GRM7: variants seen among roughly 807,000 people sequenced by gnomAD.
The protein encoded by GRM7 is glutamate metabotropic receptor 7.
Under a neutral mutation model 84.5 loss-of-function variants are expected in GRM7, and 35 were observed. The ratio of observed to expected loss-of-function variants is 0.41; its 90% confidence interval spans 0.32 to 0.55. GRM7 has a LOEUF of 0.55. Ranked by LOEUF, GRM7 falls within the 20% of genes least tolerant of loss-of-function variation. The pLI, the probability that GRM7 is intolerant of heterozygous loss-of-function variation, is 0.19. For missense variants in GRM7, 1,003 were observed against 1,194.6 expected (o/e 0.84, Z 2.36); for synonymous variants, 487 against 455.1 (o/e 1.07, Z -0.89).
intron 5 of GRM7, among the ~76,000 whole-genome samples, chr3:7,419,689 C>G (rs1696317166): frequency 6.6e-6 from 1 of 152,126 alleles, no homozygotes; most frequent in South Asian, 2.1e-4. Flanking sequence ...TATCACTGTT[C>G]TATGAAATAC....
At chr3:7,646,995 A>G (rs1698677887) in intron 8 of GRM7, among the ~76,000 whole-genome samples, 1 of 152,192 alleles carries the variant, frequency 6.6e-6, no homozygotes, top group African/African-American at 2.4e-5. Context: ...TCAAGGGCCA[A>G]AGTTCAATCC....
intron 1 of GRM7, among the ~76,000 whole-genome samples, chr3:6,924,171 C>A (rs946623791): frequency 6.6e-6 from 1 of 152,100 alleles, no homozygotes; most frequent in Admixed American, 6.5e-5. Flanking sequence ...CATCTGCTCT[C>A]GTGTTGGAGA....
intron 7 of GRM7, among the ~76,000 whole-genome samples, chr3:7,478,655 AG>A (rs910364485): frequency 2.7e-4 from 41 of 152,296 alleles, no homozygotes; most frequent in African/African-American, 9.9e-4. Context: ...GATCATGGGC[AG>A]GCCATGGGCA....
At chr3:7,685,385 A>G (rs1575630622) in intron 9 of GRM7, among the ~76,000 whole-genome samples, 2 of 152,184 alleles carry the variant, frequency 1.3e-5, no homozygotes, top group South Asian at 4.1e-4. Flanking sequence ...AGCCGTGCAG[A>G]GAAATACTTC....
intron 9 of GRM7, among the ~76,000 whole-genome samples, chr3:7,726,155 CAG>C (rs1187915011): frequency 6.6e-6 from 1 of 152,026 alleles, no homozygotes; most frequent in Non-Finnish European, 1.5e-5. Flanking sequence ...AAAAATATGA[CAG>C]AAGACAAAAT....
At position 7,494,274 on chromosome 3, in the gene GRM7, T is replaced by C. The variant is rs554926079; in HGVS notation, c.1515+32552T>C. On this transcript the variant is annotated intron_variant, in intron 7 of 9. Transcript: ENST00000357716. ...GACTTTACAGTGAGCAGTTATCTTC[T>C]TTCAGAACTTGAAAAGTGTTGTCCT... Among the ~76,000 whole-genome samples, 18 of 152,334 alleles carry C rather than the reference T, an allele frequency of 1.2e-4. No individual in the cohort carries two copies. In the South Asian group the frequency reaches 3.7e-3, roughly 32 times the overall value.
At chr3:7,137,147 C>T (rs537235544) in intron 1 of GRM7, among the ~76,000 whole-genome samples, 1 of 152,004 alleles carries the variant, frequency 6.6e-6, no homozygotes, top group Non-Finnish European at 1.5e-5. Context: ...ATATTTATGT[C>T]TCAAAGGTAT....
chr3:7,107,191 T>G (rs1692687530), intron 1 of GRM7, among the ~76,000 whole-genome samples: 2 of 152,008 alleles, frequency 1.3e-5, no homozygotes. Flanking sequence ...GGCCAAGCCT[T>G]GGGAAAACAG....
intron 5 of GRM7, among the ~76,000 whole-genome samples, chr3:7,445,836 T>G (rs1454118914): frequency 6.6e-6 from 1 of 152,154 alleles, no homozygotes; most frequent in Non-Finnish European, 1.5e-5. Context: ...CTTTAAATAT[T>G]ACAAAGCTGC....
At chr3:7,586,215 T>C (rs1011321056) in intron 8 of GRM7, among the ~76,000 whole-genome samples, 2 of 152,166 alleles carry the variant, frequency 1.3e-5, no homozygotes, top group Admixed American at 6.5e-5. Context: ...AGAACACTCA[T>C]ATACTGCCAG....
At chr3:7,349,696 A>T (rs1693048498) in intron 4 of GRM7, among the ~76,000 whole-genome samples, 1 of 152,284 alleles carries the variant, frequency 6.6e-6, no homozygotes, top group Non-Finnish European at 1.5e-5. Context: ...ACATGATATA[A>T]AGCAATCTTC....
At chr3:7,057,302 C>CT (rs1697262523) in intron 1 of GRM7, among the ~76,000 whole-genome samples, 2 of 151,894 alleles carry the variant, frequency 1.3e-5, no homozygotes, top group South Asian at 4.1e-4. Context: ...CTGTTTACCC[C>CT]TGTATTTATA....
intron 1 of GRM7, among the ~76,000 whole-genome samples, chr3:6,985,243 T>TA (rs1368763440): frequency 6.6e-6 from 1 of 152,186 alleles, no homozygotes. Context: ...CTGTTTATTT[T>TA]AAAATGTACA....
intron 1 of GRM7, among the ~76,000 whole-genome samples, chr3:7,122,066 A>G (rs1010656890): frequency 3.9e-5 from 6 of 152,184 alleles, no homozygotes; most frequent in Non-Finnish European, 1.5e-5. Context: ...TCCAGCCTCC[A>G]AAACTAAGGA....
chr3:7,036,278 A>C (rs1297911320), intron 1 of GRM7, among the ~76,000 whole-genome samples: 2 of 152,224 alleles, frequency 1.3e-5, no homozygotes, highest in East Asian at 3.8e-4. Context: ...GGAAAGAATA[A>C]GAAACATCCT....
At chr3:7,262,670 G>C (rs1698476321) in intron 2 of GRM7, among the ~76,000 whole-genome samples, 2 of 152,100 alleles carry the variant, frequency 1.3e-5, no homozygotes, top group South Asian at 4.2e-4. Flanking sequence ...GAAGAAAGAT[G>C]GCATTCTGGC....
intron 4 of GRM7, among the ~76,000 whole-genome samples, chr3:7,358,963 C>T (rs1274829141): frequency 8.0e-6 from 1 of 125,274 alleles, no homozygotes; most frequent in Non-Finnish European, 1.7e-5. Flanking sequence ...ACTAAAAATA[C>T]CCAAACTTAC....
intron 7 of GRM7, among the ~76,000 whole-genome samples, chr3:7,538,432 C>G (rs1466902396): frequency 6.6e-6 from 1 of 152,126 alleles, no homozygotes; most frequent in African/African-American, 2.4e-5. Context: ...TTTTGATACT[C>G]ATGACTTTGT....
intron 1 of GRM7, among the ~76,000 whole-genome samples, chr3:7,111,555 A>T (rs1470918345): frequency 1.3e-5 from 2 of 152,138 alleles, no homozygotes; most frequent in African/African-American, 4.8e-5. Context: ...CTTGCCTCCA[A>T]CTGACTGTTT....
Sources: allele counts gnomAD v4.1 joint callset (sites outside exome capture counted in the v4.1 genomes callset), GRCh38; gene constraint gnomAD v4.1.1; transcripts MANE v1.5; gene names NCBI Gene and HGNC (gene_info 2026-07-23, HGNC 2026-07-21).